AMPD1: variants seen among roughly 807,000 people sequenced by gnomAD.
AMPD1 encodes adenosine monophosphate deaminase 1, also known as AMP deaminase 1.
In AMPD1, 74 loss-of-function variants were observed where a neutral mutation model predicts 82.9. The ratio of observed to expected loss-of-function variants is 0.89; its 90% confidence interval spans 0.74 to 1.08. The LOEUF is 1.08. Among genes scored for constraint, AMPD1 ranks in the 50% least tolerant of loss-of-function variants. The pLI, the probability that AMPD1 is intolerant of heterozygous loss-of-function variation, is 0.00. For synonymous variants in AMPD1, 333 were observed against 320.5 expected (o/e 1.04, Z -0.42); for missense variants, 881 against 924.5 (o/e 0.95, Z 0.61).
chr1:114,692,658 C>A (rs577450640), intron 2 of AMPD1, among the ~76,000 whole-genome samples: 2 of 151,466 alleles, frequency 1.3e-5, no homozygotes, highest in South Asian at 2.1e-4. Flanking sequence ...CCAGCCTGGG[C>A]AACACAGCAA....
At chr1:114,676,039 A>G (rs2101712276) in intron 10 of AMPD1, 36 bp from the exon 11 acceptor site, 11 of 1,611,470 alleles carry the variant, frequency 6.8e-6, no homozygotes, top group East Asian at 4.5e-5. Context: ...AGGAGAAAAA[A>G]AGATTTTTAG....
At chr1:114,692,753 AT>A (rs10611520) in intron 2 of AMPD1, among the ~76,000 whole-genome samples, 7,184 of 140,920 alleles carry the variant, frequency 0.051, 329 homozygotes, top group African/African-American at 0.13. Flanking sequence ...ATGAACAACA[AT>A]TTTTTTTTTT....
In AMPD1 at chr1:114,677,402, T is replaced by A. The variant is rs1215123865; in HGVS notation, c.1337A>T (p.Asn446Ile). 1 of 1,611,038 alleles carries A rather than the reference T, an allele frequency of 6.2e-7. No individual in the cohort carries two copies. Among genetic ancestry groups the A allele is most frequent in the Admixed American group, 1.7e-5 (1 of 59,516 alleles). ...WSKLSSWFVC[N>I]RIHCPNMTWM... ...TGTCATGTTGGGGCAGTGGATGCGA[T>A]TGCAGACGAACCAGGAGGAGAGTTT... is the stretch of plus-strand genomic sequence containing the variant. Residue 446 changes from asparagine (N) to isoleucine (I), a missense_variant, in exon 10 of 16, where the codon AAT becomes ATT. Physicochemically the swap from Asn to Ile is moderately radical, Grantham distance 149. Coordinates refer to ENST00000520113, the MANE Select transcript of AMPD1 (RefSeq NM_000036.3).
In AMPD1 at chr1:114,676,033, G is replaced by A. The variant is rs771317328; in HGVS notation, c.1389-30C>T. 3 of 1,612,070 alleles carry A rather than the reference G, an allele frequency of 1.9e-6. No homozygotes were observed. In the South Asian group the frequency reaches 3.3e-5, roughly 18 times the overall value. ...AGGCAAGAATGAAGAGAATTTAGGA[G>A]AAAAAAAGATTTTTAGGACTGATAG... On this transcript the variant is annotated intron_variant, in intron 10 of 15. Transcript: ENST00000520113.
intron 7 of AMPD1, 109 bp downstream of exon 7, chr1:114,679,470 C>A: frequency 6.8e-7 from 1 of 1,462,658 alleles, no homozygotes; most frequent in South Asian, 1.2e-5. Context: ...ATCCACTGAA[C>A]CTGTAGAAAT....
intron 2 of AMPD1, 179 bp from the exon 3 acceptor site, chr1:114,688,920 T>C (rs1438343867): frequency 1.3e-6 from 1 of 778,264 alleles, no homozygotes; most frequent in Non-Finnish European, 2.3e-6. Context: ...TCTGTGTGGG[T>C]ACCTTGAAAA....
intron 5 of AMPD1, among the ~76,000 whole-genome samples, chr1:114,681,294 G>A (rs1658149994): frequency 1.3e-5 from 2 of 151,986 alleles, no homozygotes; most frequent in Admixed American, 1.3e-4. Context: ...AAATAATTGA[G>A]TAGAAAATGC....
intron 1 of AMPD1, among the ~76,000 whole-genome samples, chr1:114,693,796 G>A (rs547138605): frequency 6.6e-6 from 1 of 152,176 alleles, no homozygotes; most frequent in Admixed American, 6.5e-5. Context: ...AAACAATTTA[G>A]TAACACCTAC....
Position 114,684,216 on chromosome 1 carries a change from T to C in AMPD1, c.530A>G (p.Asn177Ser). The C allele has an allele frequency of 6.2e-7, 1 of 1,614,170 alleles. No individual in the cohort carries two copies. The highest frequency in any genetic ancestry group is 8.5e-7 in the Non-Finnish European group (1 of 1,180,032). The change falls in exon 5 of 16, where the codon AAT becomes AGT. Residue 177 changes from asparagine to serine, a missense_variant. This residue lies in a region of AMPD1 where 783 missense variants were observed against 786.4 expected (regional missense o/e 1.00). Coordinates refer to ENST00000520113, the MANE Select transcript of AMPD1 (RefSeq NM_000036.3). ...RNIDGEAWVA[N>S]ESFYPVFTPP... is the part of the protein sequence containing the mutation. ...ATTGTTACCTGGATAGAAGCTCTCATTTGCTACCCAAGCCTCACCATCAAT... is the reference window on the plus strand; with the variant it reads ...ATTGTTACCTGGATAGAAGCTCTCACTTGCTACCCAAGCCTCACCATCAAT...
chr1:114,677,647 C>T (rs1342819162), intron 9 of AMPD1, 133 bp from the exon 10 acceptor site: 2 of 1,278,554 alleles, frequency 1.6e-6, no homozygotes, highest in East Asian at 2.5e-5. Context: ...ATCTCAAAAC[C>T]ACACCCTTAA....
intron 2 of AMPD1, among the ~76,000 whole-genome samples, chr1:114,691,183 G>A (rs1658505250): frequency 6.6e-6 from 1 of 152,144 alleles, no homozygotes; most frequent in Non-Finnish European, 1.5e-5. Flanking sequence ...TTCCACTGAA[G>A]CAACCACTTG....
At chr1:114,693,614 C>T (rs563592238) in intron 1 of AMPD1, among the ~76,000 whole-genome samples, 167 bp from the exon 2 acceptor site, 27 of 152,262 alleles carry the variant, frequency 1.8e-4, no homozygotes, top group African/African-American at 6.0e-4. Context: ...GGAATATGGT[C>T]ATTATACAGC....
At position 114,675,276 on chromosome 1, in the gene AMPD1, G is replaced by A. The variant is rs140777329; in HGVS notation, c.1679+254C>T. On this transcript the variant is annotated intron_variant, in intron 12 of 15. Transcript: ENST00000520113. ...AATATATGAAGTTTTATCATTAATT[G>A]CACAATGATTAGTATAAATTCCTAA... 2.9e-3 allele frequency among the ~76,000 whole-genome samples: 437 copies of A among 152,050 alleles called. 2 individuals carry two copies. The highest frequency in any genetic ancestry group is 4.6e-3 in the Non-Finnish European group (316 of 67,988).
In AMPD1 at chr1:114,678,396, T is replaced by A; in HGVS notation, c.1029A>T (p.Glu343Asp). The part of the protein sequence containing the change: ...STKEKNLTLK[E>D]LFAKLKMHPY... Reference sequence around the variant, plus strand: ...GATGCATTTTTAATTTAGCAAAAAGTTCCTTTAGGGTCAGATTCTTCTCTT... The same window carrying A: ...GATGCATTTTTAATTTAGCAAAAAGATCCTTTAGGGTCAGATTCTTCTCTT... The change falls in exon 8 of 16, where the codon GAA (glutamate) becomes GAT (aspartate). Residue 343 changes from glutamate to aspartate, a missense_variant. Physicochemically the swap from Glu to Asp is conservative, Grantham distance 45 (BLOSUM62 2). Coordinates refer to ENST00000520113, the MANE Select transcript of AMPD1 (RefSeq NM_000036.3). 1 of 1,614,190 alleles carries A rather than the reference T, an allele frequency of 6.2e-7. No homozygotes were observed. Among genetic ancestry groups the A allele is most frequent in the Non-Finnish European group, 8.5e-7 (1 of 1,180,032 alleles).
chr1:114,678,450 A>C lies in AMPD1; in HGVS notation c.975T>G (p.Ile325Met), dbSNP rs1658064168. 6.2e-7 allele frequency: 1 copy of C among 1,614,086 alleles called. No homozygotes were observed. The change falls in exon 8 of 16, where the codon ATT (isoleucine) becomes ATG (methionine). Residue 325 changes from isoleucine (I) to methionine (M), a missense_variant. This residue lies in a region of AMPD1 where 783 missense variants were observed against 786.4 expected (regional missense o/e 1.00). Transcript: ENST00000520113. ...TGCTATAGACCACTCTGTCAGCATC[A>C]ATTTGGTAAGATTTCTTAATAAAAC... is the stretch of plus-strand genomic sequence containing the variant. ...LLRFIKKSYQ[I>M]DADRVVYSTK...
chr1:114,678,790 G>A (rs905814767), intron 7 of AMPD1, among the ~76,000 whole-genome samples: 2 of 152,016 alleles, frequency 1.3e-5, no homozygotes, highest in African/African-American at 2.4e-5. Context: ...TATTTCCTAC[G>A]TCTGATCCAC....
rs182610890 is a variant in AMPD1 at position 114,673,952 on chromosome 1, A to T, written c.1931T>A (p.Ile644Asn). ...CATTGGGTCATCTGTAGACAGTGAG[A>T]TCATTAGCCCTTTCTGAAGGAAATC... is the stretch of plus-strand genomic sequence containing the variant. ...FLDFLQKGLM[I>N]SLSTDDPMQF... The change falls in exon 14 of 16, where the codon ATC (isoleucine) becomes AAC (asparagine). Residue 644 changes from isoleucine (I) to asparagine (N), a missense_variant. Transcript: ENST00000520113. 2.5e-6 allele frequency: 4 copies of T among 1,614,124 alleles called. No homozygotes were observed. The Admixed American group carries it at 6.7e-5, about 27-fold the overall frequency.
At position 114,675,594 on chromosome 1, in the gene AMPD1, G is replaced by T; in HGVS notation, c.1615C>A (p.Pro539Thr). The change falls in exon 12 of 16, where the codon CCA (proline) becomes ACA (threonine). Residue 539 changes from proline to threonine, a missense_variant. Physicochemically the swap from Pro to Thr is conservative, Grantham distance 38. This residue lies in a region of AMPD1 where 783 missense variants were observed against 786.4 expected (regional missense o/e 1.00). Transcript: ENST00000520113. ...TAGTAGGCATAGTAAGTGTAAGATG[G>T]ATTCTTTTCCAATGTCCACTCCTGG... ...KPQEWTLEKNPSYTYYAYYMY... is the reference protein window; with the variant it reads ...KPQEWTLEKNTSYTYYAYYMY... The T allele has an allele frequency of 1.2e-6, 2 of 1,614,182 alleles. No individual in the cohort carries two copies. Among genetic ancestry groups the T allele is most frequent in the Non-Finnish European group, 8.5e-7 (1 of 1,180,008 alleles).
chr1:114,694,796 A>G (rs1658630043), intron 1 of AMPD1, among the ~76,000 whole-genome samples: 2 of 152,316 alleles, frequency 1.3e-5, no homozygotes, highest in South Asian at 4.1e-4. Context: ...GTGAATCGTG[A>G]TCGTGCCACT....
Sources: allele counts gnomAD v4.1 joint callset (sites outside exome capture counted in the v4.1 genomes callset), GRCh38; gene constraint gnomAD v4.1.1; regional missense constraint gnomAD v4.1.1; transcripts MANE v1.5; gene names NCBI Gene and HGNC (gene_info 2026-07-23, HGNC 2026-07-21).